Variants in FRMD4A observed in about 807,000 individuals in gnomAD.
FRMD4A encodes the protein FERM domain-containing protein 4A.
In FRMD4A, 29 loss-of-function variants were observed where a neutral mutation model predicts 129.1. That is an observed-to-expected ratio of 0.22 (90% CI 0.17 to 0.31). The LOEUF (loss-of-function observed/expected upper bound fraction) is 0.31, where lower values mean the gene tolerates loss of function less well. Ranked by LOEUF, FRMD4A falls within the 10% of genes least tolerant of loss-of-function variation. The pLI, the probability that FRMD4A is intolerant of heterozygous loss-of-function variation, is 1.00. For missense variants in FRMD4A, 1,272 were observed against 1,375.8 expected (o/e 0.92, Z 1.19); for synonymous variants, 634 against 571.6 (o/e 1.11, Z -1.56).
chr10:13,992,455 A>C (rs1205394788), intron 2 of FRMD4A, among the ~76,000 whole-genome samples: 2 of 151,532 alleles, frequency 1.3e-5, no homozygotes, highest in Non-Finnish European at 2.9e-5. Context: ...CTGCCCACCC[A>C]CCTCCATGTC....
chr10:13,662,604 G>A lies in FRMD4A; in HGVS notation c.1660+849C>T, dbSNP rs184817321. 2.7e-3 allele frequency among the ~76,000 whole-genome samples: 415 copies of A among 152,238 alleles called. 1 individual carries two copies. Among genetic ancestry groups the A allele is most frequent in the South Asian group, 0.016 (77 of 4,808 alleles). On this transcript the variant is annotated intron_variant, in intron 19 of 24. Transcript: ENST00000357447. ...TGGTGGTGATGGGGGTTGGGGGAGGGATCAGTTCTGTTTTTTTAAGAATTT... is the reference window on the plus strand; with the variant it reads ...TGGTGGTGATGGGGGTTGGGGGAGGAATCAGTTCTGTTTTTTTAAGAATTT...
chr10:14,152,868 G>C (rs1447006129), intron 2 of FRMD4A, among the ~76,000 whole-genome samples: 2 of 152,152 alleles, frequency 1.3e-5, no homozygotes, highest in East Asian at 3.9e-4. Flanking sequence ...GCAGAGAAGA[G>C]AGACTCCTTC....
intron 6 of FRMD4A, among the ~76,000 whole-genome samples, chr10:13,777,533 C>G (rs1220939933): frequency 6.6e-6 from 1 of 152,126 alleles, no homozygotes; most frequent in African/African-American, 2.4e-5. Context: ...TCTGGAGTGA[C>G]ATTCAGCATG....
At chr10:14,286,703 A>G (rs1413694220) in intron 2 of FRMD4A, among the ~76,000 whole-genome samples, 2 of 152,138 alleles carry the variant, frequency 1.3e-5, no homozygotes, top group African/African-American at 4.8e-5. Context: ...TGGAGGCCGT[A>G]ATCTTTCCCC....
In FRMD4A at chr10:14,115,333, G is replaced by A. The variant is rs566437959; in HGVS notation, c.45+214725C>T. On this transcript the variant is annotated intron_variant, in intron 2 of 24. Transcript: ENST00000357447. Reference sequence around the variant, plus strand: ...CAAAAGTCCCAGGCCATCTGTGGTTGGCCTCTTATCACTTATTTCATAGCT... The same window carrying A: ...CAAAAGTCCCAGGCCATCTGTGGTTAGCCTCTTATCACTTATTTCATAGCT... Among the ~76,000 whole-genome samples the A allele has an allele frequency of 3.9e-5, 6 of 152,256 alleles. No individual in the cohort carries two copies. In the East Asian group the frequency reaches 1.2e-3, roughly 29 times the overall value.
intron 2 of FRMD4A, among the ~76,000 whole-genome samples, chr10:14,116,151 A>T (rs553078538): frequency 6.6e-6 from 1 of 152,246 alleles, no homozygotes; most frequent in Non-Finnish European, 1.5e-5. Flanking sequence ...CCTTCTGTGC[A>T]TGCAAATGGA....
intron 4 of FRMD4A, among the ~76,000 whole-genome samples, chr10:13,799,240 C>T (rs2093198026): frequency 6.6e-6 from 1 of 152,228 alleles, no homozygotes; most frequent in Non-Finnish European, 1.5e-5. Flanking sequence ...TCATTGCAAC[C>T]TCCGCCCTCC....
At chr10:14,122,043 G>T (rs1838553985) in intron 2 of FRMD4A, among the ~76,000 whole-genome samples, 1 of 152,206 alleles carries the variant, frequency 6.6e-6, no homozygotes, top group African/African-American at 2.4e-5. Flanking sequence ...AAGTGCACCT[G>T]TAGATGTTAG....
chr10:14,312,810 G>A (rs1302659010), intron 2 of FRMD4A, among the ~76,000 whole-genome samples: 2 of 152,188 alleles, frequency 1.3e-5, no homozygotes, highest in Non-Finnish European at 1.5e-5. Context: ...AGGCTGCAGT[G>A]AGCTGCAAGT....
At chr10:14,173,084 A>G (rs907413933) in intron 2 of FRMD4A, among the ~76,000 whole-genome samples, 2 of 152,242 alleles carry the variant, frequency 1.3e-5, no homozygotes, top group African/African-American at 4.8e-5. Context: ...TACACAGGGC[A>G]TCAAAGAGAT....
At chr10:14,034,387 C>T (rs2131665806) in intron 2 of FRMD4A, among the ~76,000 whole-genome samples, 1 of 152,166 alleles carries the variant, frequency 6.6e-6, no homozygotes, top group South Asian at 2.1e-4. Flanking sequence ...CAGACAGGGC[C>T]CTCTGTTACC....
chr10:14,047,436 T>G (rs1408505227), intron 2 of FRMD4A, among the ~76,000 whole-genome samples: 1 of 152,172 alleles, frequency 6.6e-6, no homozygotes, highest in Non-Finnish European at 1.5e-5. Context: ...TCCACACACA[T>G]TTCCATCATT....
At chr10:13,760,435 C>T (rs1157893981) in intron 8 of FRMD4A, among the ~76,000 whole-genome samples, 1 of 152,162 alleles carries the variant, frequency 6.6e-6, no homozygotes. Context: ...AGGAGGATCA[C>T]TTGAGCCCAG....
intron 2 of FRMD4A, among the ~76,000 whole-genome samples, chr10:13,985,253 C>T (rs527478960): frequency 5.9e-5 from 9 of 152,216 alleles, no homozygotes; most frequent in African/African-American, 1.2e-4. Flanking sequence ...GGTGTCCCTC[C>T]TCCTGCATAC....
chr10:14,118,230 C>T (rs1838302789), intron 2 of FRMD4A, among the ~76,000 whole-genome samples: 1 of 152,216 alleles, frequency 6.6e-6, no homozygotes, highest in Admixed American at 6.5e-5. Context: ...ATTCTGGCCT[C>T]TCAATGTTGC....
intron 2 of FRMD4A, among the ~76,000 whole-genome samples, chr10:14,020,790 G>A (rs1588794471): frequency 6.6e-6 from 1 of 152,268 alleles, no homozygotes; most frequent in East Asian, 1.9e-4. Context: ...AGTGAAGGCT[G>A]TGCTTAGAAA....
intron 6 of FRMD4A, among the ~76,000 whole-genome samples, chr10:13,776,101 T>C (rs2092590498): frequency 6.6e-6 from 1 of 151,836 alleles, no homozygotes; most frequent in Non-Finnish European, 1.5e-5. Flanking sequence ...TAAATCTACA[T>C]CCTTATTTTT....
At chr10:14,059,483 C>T (rs1834703777) in intron 2 of FRMD4A, among the ~76,000 whole-genome samples, 1 of 152,194 alleles carries the variant, frequency 6.6e-6, no homozygotes, top group Admixed American at 6.5e-5. Flanking sequence ...CTCTCTTTCT[C>T]TCCATGTGTG....
At chr10:14,101,448 T>C (rs1490136477) in intron 2 of FRMD4A, among the ~76,000 whole-genome samples, 2 of 152,196 alleles carry the variant, frequency 1.3e-5, no homozygotes, top group Non-Finnish European at 2.9e-5. Context: ...ATACTCACCA[T>C]TGGCTGAAAT....
Sources: allele counts gnomAD v4.1 joint callset (sites outside exome capture counted in the v4.1 genomes callset), GRCh38; gene constraint gnomAD v4.1.1; transcripts MANE v1.5; gene names NCBI Gene and HGNC (gene_info 2026-07-23, HGNC 2026-07-21).